The following DSCAM variants were observed in gnomAD, a reference collection of about 807,000 sequenced individuals.
DSCAM encodes DS cell adhesion molecule.
Under a neutral mutation model 217.7 loss-of-function variants are expected in DSCAM, and 47 were observed. That is an observed-to-expected ratio of 0.22 (90% CI 0.17 to 0.28). DSCAM has a LOEUF of 0.28. DSCAM is among the 10% of genes least tolerant of loss of function. The probability of loss-of-function intolerance (pLI) is 1.00; values close to 1 mark genes in which losing one functional copy is unlikely to be tolerated. For synonymous variants in DSCAM, 1,056 were observed against 1,015.3 expected (o/e 1.04, Z -0.76); for missense variants, 2,080 against 2,618.3 (o/e 0.79, Z 4.49).
chr21:40,230,310 T>A (rs183941041), intron 11 of DSCAM, among the ~76,000 whole-genome samples: 1 of 152,360 alleles, frequency 6.6e-6, no homozygotes, highest in African/African-American at 2.4e-5. Context: ...TGAAGCAATC[T>A]GAACATTGTG....
intron 1 of DSCAM, among the ~76,000 whole-genome samples, chr21:40,787,623 T>G (rs1008501020): frequency 1.3e-5 from 2 of 152,354 alleles, no homozygotes; most frequent in African/African-American, 4.8e-5. Flanking sequence ...TCCTACTTTG[T>G]GCTAAGAAGC....
chr21:40,068,032 C>T (rs183743939), intron 27 of DSCAM, among the ~76,000 whole-genome samples: 196 of 152,146 alleles, frequency 1.3e-3, no homozygotes, highest in Non-Finnish European at 2.4e-3. Context: ...TTTCTAAAGC[C>T]GCTTGCTACT....
intron 3 of DSCAM, among the ~76,000 whole-genome samples, chr21:40,468,585 G>A (rs943013947): frequency 6.6e-6 from 1 of 152,092 alleles, no homozygotes; most frequent in Non-Finnish European, 1.5e-5. Flanking sequence ...GTGGGGCAAG[G>A]GCTGAACAAG....
chr21:40,128,333 G>A (rs1166671315), intron 19 of DSCAM, among the ~76,000 whole-genome samples: 1 of 151,588 alleles, frequency 6.6e-6, no homozygotes, highest in Non-Finnish European at 1.5e-5. Flanking sequence ...TTACCTTCTA[G>A]TGTATGTGCC....
intron 3 of DSCAM, among the ~76,000 whole-genome samples, chr21:40,416,776 C>G (rs978186034): frequency 6.6e-6 from 1 of 152,068 alleles, no homozygotes; most frequent in Admixed American, 6.6e-5. Flanking sequence ...ATACTACTCT[C>G]TAGTGGTTGG....
chr21:40,508,753 A>C (rs377689955), intron 3 of DSCAM, among the ~76,000 whole-genome samples: 1 of 2,486 alleles, frequency 4.0e-4, no homozygotes. Context: ...ATATATATAT[A>C]TATATATATA....
At chr21:40,354,101 C>T (rs1858053601) in intron 4 of DSCAM, among the ~76,000 whole-genome samples, 1 of 152,050 alleles carries the variant, frequency 6.6e-6, no homozygotes, top group African/African-American at 2.4e-5. Flanking sequence ...TTAATGGGTA[C>T]AAATATGCAA....
intron 3 of DSCAM, among the ~76,000 whole-genome samples, chr21:40,641,940 C>T (rs1019493313): frequency 6.6e-6 from 1 of 150,676 alleles, no homozygotes; most frequent in African/African-American, 2.4e-5. Flanking sequence ...CCCAGCTACT[C>T]GGTAGACCGA....
At chr21:40,350,715 G>A (rs1241846556) in intron 5 of DSCAM, among the ~76,000 whole-genome samples, 1 of 151,992 alleles carries the variant, frequency 6.6e-6, no homozygotes, top group East Asian at 1.9e-4. Flanking sequence ...AATGGAAAGA[G>A]GGAATCACAG....
Position 40,013,375 on chromosome 21 carries a change from G to T in DSCAM, c.5698C>A (p.His1900Asn). The T allele has an allele frequency of 6.4e-7, 1 of 1,556,638 alleles. No individual in the cohort carries two copies. Among genetic ancestry groups the T allele is most frequent in the Non-Finnish European group, 8.7e-7 (1 of 1,152,238 alleles). The change falls in exon 33 of 33, where the codon CAT becomes AAT. Residue 1900 changes from histidine to asparagine, a missense_variant. His to Asn is a moderately conservative substitution (Grantham distance 68, BLOSUM62 1). Coordinates refer to ENST00000400454, the MANE Select transcript of DSCAM (RefSeq NM_001389.5). ...PKAHRPGDLI[H>N]LPPYLRMDFL... ...TCCATTCTAAGGTATGGAGGCAAAT[G>T]TATGAGGTCACCTAGAAGGAAAGAC...
At chr21:40,747,529 C>T (rs1044727060) in intron 1 of DSCAM, among the ~76,000 whole-genome samples, 7 of 151,742 alleles carry the variant, frequency 4.6e-5, no homozygotes, top group African/African-American at 1.7e-4. Flanking sequence ...TCTTAATAGA[C>T]CAATAATGAA....
intron 15 of DSCAM, among the ~76,000 whole-genome samples, chr21:40,168,727 TA>T (rs1241777916): frequency 6.6e-6 from 1 of 152,132 alleles, no homozygotes; most frequent in African/African-American, 2.4e-5. Flanking sequence ...AGCGCATGAC[TA>T]AGGGAAAGCT....
intron 4 of DSCAM, among the ~76,000 whole-genome samples, chr21:40,368,348 G>T (rs2074856219): frequency 6.6e-6 from 1 of 152,102 alleles, no homozygotes; most frequent in African/African-American, 2.4e-5. Flanking sequence ...CAAAAGACAT[G>T]ATAACTATAA....
At chr21:40,481,450 G>C (rs2075981773) in intron 3 of DSCAM, among the ~76,000 whole-genome samples, 2 of 138,152 alleles carry the variant, frequency 1.4e-5, no homozygotes, top group South Asian at 4.5e-4. Context: ...CGTGAACCCA[G>C]AAGGCAGAGC....
At chr21:40,450,455 G>GA (rs893783198) in intron 3 of DSCAM, among the ~76,000 whole-genome samples, 10 of 151,896 alleles carry the variant, frequency 6.6e-5, no homozygotes, top group South Asian at 2.1e-4. Context: ...TTTCAGTAAT[G>GA]AAAAAAAATG....
chr21:40,706,180 CAAA>C (rs560131166), intron 2 of DSCAM, among the ~76,000 whole-genome samples: 4 of 99,458 alleles, frequency 4.0e-5, no homozygotes, highest in Non-Finnish European at 8.8e-5. Flanking sequence ...ACTCCAGTCT[CAAA>C]AAAAAAAAAA....
At position 40,093,836 on chromosome 21, in the gene DSCAM, G is replaced by C. The variant is rs914001385; in HGVS notation, c.3735C>G (p.Ser1245=). 15 of 1,613,822 alleles carry C rather than the reference G, an allele frequency of 9.3e-6. No individual in the cohort carries two copies. Among genetic ancestry groups the C allele is most frequent in the Non-Finnish European group, 1.2e-5 (14 of 1,179,988 alleles). The change falls in exon 21 of 33, where the codon TCC becomes TCG. Residue 1245 remains serine (S), a synonymous_variant. Coordinates refer to ENST00000400454, the MANE Select transcript of DSCAM (RefSeq NM_001389.5). ...SEFEASPDSF[S]YRIPNLSRNR... is the part of the protein sequence containing the mutation. Reference sequence around the variant, plus strand: ...TCCTACTCAGGTTGGGAATTCTGTAGGAAAACGAGTCGGGAGAGGCCTCAA... The same window carrying C: ...TCCTACTCAGGTTGGGAATTCTGTACGAAAACGAGTCGGGAGAGGCCTCAA...
At chr21:40,792,200 G>A (rs532261624) in intron 1 of DSCAM, among the ~76,000 whole-genome samples, 11 of 144,890 alleles carry the variant, frequency 7.6e-5, no homozygotes, top group Non-Finnish European at 1.6e-4. Context: ...GTGCAGTGGC[G>A]CCATCTTGGC....
chr21:40,277,825 C>G (rs1194134017), intron 10 of DSCAM, among the ~76,000 whole-genome samples: 10 of 142,590 alleles, frequency 7.0e-5, no homozygotes, highest in Admixed American at 4.4e-4. Flanking sequence ...GCTGAGATCA[C>G]GGCGCTGCAC....
Sources: allele counts gnomAD v4.1 joint callset (sites outside exome capture counted in the v4.1 genomes callset), GRCh38; gene constraint gnomAD v4.1.1; transcripts MANE v1.5; gene names NCBI Gene and HGNC (gene_info 2026-07-23, HGNC 2026-07-21).